Variants in TNS3 observed in about 807,000 individuals in gnomAD.
TNS3 encodes tensin-3.
TNS3 carries 45 observed loss-of-function variants against 140.9 expected under a neutral mutation model. The ratio of observed to expected loss-of-function variants is 0.32; its 90% CI spans 0.25 to 0.41. The LOEUF (loss-of-function observed/expected upper bound fraction) is 0.41, where lower values mean the gene tolerates loss of function less well. Among genes scored for constraint, TNS3 ranks in the 10% least tolerant of loss-of-function variants. The pLI, the probability that TNS3 is intolerant of heterozygous loss-of-function variation, is 1.00. For missense variants in TNS3, 1,716 were observed against 1,906.7 expected, an observed-to-expected ratio of 0.90 and a Z score of 1.86; for synonymous variants, 815 against 788.4, an observed-to-expected ratio of 1.03 and a Z score of -0.56.
chr7:47,468,911 G>C (rs1364415866), intron 4 of TNS3, among the ~76,000 whole-genome samples: 1 of 152,140 alleles, frequency 6.6e-6, no homozygotes, highest in Non-Finnish European at 1.5e-5. Context: ...CAACTGAACA[G>C]AACAGAAAAC....
At chr7:47,510,108 A>G (rs1798555286) in intron 2 of TNS3, among the ~76,000 whole-genome samples, 1 of 152,134 alleles carries the variant, frequency 6.6e-6, no homozygotes, top group Non-Finnish European at 1.5e-5. Flanking sequence ...TGTGGATGAG[A>G]CTGAGGATTC....
At chr7:47,467,772 A>G (rs78666035) in intron 4 of TNS3, among the ~76,000 whole-genome samples, 1 of 152,178 alleles carries the variant, frequency 6.6e-6, no homozygotes, top group Non-Finnish European at 1.5e-5. Flanking sequence ...ATAAGAAAAC[A>G]GAAGGTTAGA....
At chr7:47,509,323 C>T (rs919811801) in intron 2 of TNS3, among the ~76,000 whole-genome samples, 1 of 152,198 alleles carries the variant, frequency 6.6e-6, no homozygotes, top group Non-Finnish European at 1.5e-5. Context: ...AAGTGACCCT[C>T]AAAGTTTTAC....
intron 20 of TNS3, among the ~76,000 whole-genome samples, chr7:47,342,940 G>A (rs995991158): frequency 6.6e-6 from 1 of 152,190 alleles, no homozygotes; most frequent in African/African-American, 2.4e-5. Flanking sequence ...TCAGCACTGT[G>A]TTATCTCTGT....
chr7:47,468,537 A>T (rs1584725367), intron 4 of TNS3, among the ~76,000 whole-genome samples: 2 of 152,242 alleles, frequency 1.3e-5, no homozygotes, highest in Admixed American at 1.3e-4. Flanking sequence ...CACTGCGTTT[A>T]AGGGCCTCTC....
At chr7:47,297,463 G>C (rs976438255) in intron 23 of TNS3, among the ~76,000 whole-genome samples, 6 of 152,170 alleles carry the variant, frequency 3.9e-5, no homozygotes, top group African/African-American at 1.4e-4. Context: ...GAAAGGACAG[G>C]AACATCCCTC....
chr7:47,505,264 A>G (rs34387805), intron 3 of TNS3, among the ~76,000 whole-genome samples: 39,431 of 152,076 alleles, frequency 0.26, 5,530 homozygotes, highest in South Asian at 0.43. Context: ...CAAAGGTACA[A>G]TCTTCCCACT....
chr7:47,358,427 G>A (rs540903993), intron 17 of TNS3, among the ~76,000 whole-genome samples: 7 of 152,268 alleles, frequency 4.6e-5, no homozygotes, highest in South Asian at 2.1e-4. Flanking sequence ...ATGAGCCACC[G>A]CGCCTGGCCA....
intron 3 of TNS3, among the ~76,000 whole-genome samples, chr7:47,500,960 C>T (rs147848112): frequency 8.5e-5 from 13 of 152,242 alleles, no homozygotes; most frequent in East Asian, 1.9e-4. Context: ...TGTTGGCACA[C>T]GCCTATAACC....
At chr7:47,358,386 C>T (rs1329797214) in intron 17 of TNS3, among the ~76,000 whole-genome samples, 3 of 152,192 alleles carry the variant, frequency 2.0e-5, no homozygotes, top group Admixed American at 1.3e-4. Flanking sequence ...ATCCACCCAC[C>T]GTGGCCTCTC....
intron 4 of TNS3, among the ~76,000 whole-genome samples, chr7:47,467,973 C>T (rs895535173): frequency 6.6e-6 from 1 of 152,050 alleles, no homozygotes; most frequent in Non-Finnish European, 1.5e-5. Flanking sequence ...AATGCACAAA[C>T]GAATGCCTCC....
intron 10 of TNS3, 24 bp from the exon 11 acceptor site, chr7:47,415,230 C>T (rs138849058): frequency 1.2e-5 from 18 of 1,559,342 alleles, no homozygotes; most frequent in African/African-American, 9.6e-5. Flanking sequence ...AGCTGGGTTA[C>T]ACTTCCCAGA....
chr7:47,526,600 TA>T (rs1438182349), intron 2 of TNS3, among the ~76,000 whole-genome samples: 1 of 152,236 alleles, frequency 6.6e-6, no homozygotes, highest in African/African-American at 2.4e-5. Flanking sequence ...CCTTTGCTCC[TA>T]AATCAGACCT....
At chr7:47,466,984 TGTGGTGATGACGGTGGTAATG>T (rs944617349) in intron 4 of TNS3, among the ~76,000 whole-genome samples, 1 of 152,228 alleles carries the variant, frequency 6.6e-6, no homozygotes, top group Non-Finnish European at 1.5e-5. Context: ...TAGGGAGTGC[TGTGGTGATGACGGTGGTAATG>T]GTGGTGATGA....
At chr7:47,351,176 T>C (rs1286519636) in intron 17 of TNS3, among the ~76,000 whole-genome samples, 3 of 152,250 alleles carry the variant, frequency 2.0e-5, no homozygotes, top group African/African-American at 7.2e-5. Flanking sequence ...TTTCCCTAAA[T>C]CCCGTTCTAA....
intron 2 of TNS3, among the ~76,000 whole-genome samples, chr7:47,516,995 G>A (rs767036138): frequency 3.3e-5 from 5 of 152,144 alleles, no homozygotes; most frequent in African/African-American, 4.8e-5. Context: ...CCCAGGAGGC[G>A]GAGGTTGCAG....
At chr7:47,552,924 T>C (rs899898525) in intron 1 of TNS3, among the ~76,000 whole-genome samples, 1 of 152,386 alleles carries the variant, frequency 6.6e-6, no homozygotes, top group Middle Eastern at 3.4e-3. Flanking sequence ...TTAAAAGTGC[T>C]GCTCCAGTAA....
chr7:47,582,410 G>A (rs1379645033), upstream of TNS3: 1 of 456,346 alleles, frequency 2.2e-6, no homozygotes, highest in Non-Finnish European at 4.4e-6. Flanking sequence ...GGTTCCGCCG[G>A]GCCGGTGTTA....
intron 2 of TNS3, among the ~76,000 whole-genome samples, chr7:47,518,821 G>A (rs950512442): frequency 3.3e-5 from 5 of 152,194 alleles, no homozygotes; most frequent in East Asian, 1.9e-4. Context: ...GTGGCAGACC[G>A]GGAAACTGAA....
Sources: gnomAD v4.1 joint callset for allele counts (sites outside exome capture counted in the v4.1 genomes callset) on GRCh38, gnomAD v4.1.1 for gene constraint, MANE v1.5 for transcripts, NCBI Gene and HGNC (gene_info 2026-07-23, HGNC 2026-07-21) for gene names.